Variants in AGBL3 observed in about 807,000 individuals in gnomAD.
AGBL3 encodes AGBL carboxypeptidase 3.
In AGBL3, 68 loss-of-function variants were observed where a neutral mutation model predicts 94.5. That is an observed-to-expected ratio of 0.72 (90% confidence interval 0.59 to 0.88). The LOEUF (loss-of-function observed/expected upper bound fraction) is 0.88, where lower values mean the gene tolerates loss of function less well. Ranked by LOEUF, AGBL3 falls within the 40% of genes least tolerant of loss-of-function variation. The pLI, the probability that AGBL3 is intolerant of heterozygous loss-of-function variation, is 0.00. For missense variants in AGBL3, 934 were observed against 1,103.8 expected, an observed-to-expected ratio of 0.85 and a Z score of 2.18; for synonymous variants, 354 against 370.7, an observed-to-expected ratio of 0.95 and a Z score of 0.52.
chr7:135,129,792 G>C (rs2117324894), intron 16 of AGBL3: 1 of 565,004 alleles, frequency 1.8e-6, no homozygotes, highest in Non-Finnish European at 3.3e-6. Context: ...TACTCATTCA[G>C]TCTTCCTGTG....
chr7:135,134,141 T>C (rs1273806174), intron 16 of AGBL3, among the ~76,000 whole-genome samples: 1 of 152,160 alleles, frequency 6.6e-6, no homozygotes, highest in East Asian at 1.9e-4. Flanking sequence ...CTATCTTGAC[T>C]ACATCAATGT....
At chr7:135,025,858 G>A (rs1200964750) in intron 5 of AGBL3, among the ~76,000 whole-genome samples, 1 of 151,572 alleles carries the variant, frequency 6.6e-6, no homozygotes, top group Non-Finnish European at 1.5e-5. Context: ...TACATAAACA[G>A]TTCAATTAAA....
At chr7:135,085,372 A>C (rs1202026255) in intron 15 of AGBL3, among the ~76,000 whole-genome samples, 4 of 151,958 alleles carry the variant, frequency 2.6e-5, no homozygotes, top group African/African-American at 9.7e-5. Context: ...ATTTGCCTAT[A>C]TTTGCTTTAG....
At chr7:135,063,757 G>A (rs937771242) in intron 12 of AGBL3, among the ~76,000 whole-genome samples, 14 of 152,060 alleles carry the variant, frequency 9.2e-5, no homozygotes, top group African/African-American at 3.4e-4. Flanking sequence ...CATAGTTTAG[G>A]TTTTGTTAGG....
intron 15 of AGBL3, among the ~76,000 whole-genome samples, chr7:135,097,666 G>T (rs1823111529): frequency 6.6e-6 from 1 of 152,064 alleles, no homozygotes; most frequent in Admixed American, 6.5e-5. Flanking sequence ...AAAGTTTGGG[G>T]TCACTTTTTA....
chr7:135,041,626 G>GTTT (rs1816870474), intron 8 of AGBL3, among the ~76,000 whole-genome samples: 1 of 152,176 alleles, frequency 6.6e-6, no homozygotes, highest in Non-Finnish European at 1.5e-5. Flanking sequence ...AAATTTTTAT[G>GTTT]ACATGGAATT....
chr7:135,014,472 C>G (rs895742313), intron 4 of AGBL3, among the ~76,000 whole-genome samples: 1 of 151,912 alleles, frequency 6.6e-6, no homozygotes, highest in Non-Finnish European at 1.5e-5. Flanking sequence ...TGGGATCACC[C>G]AAAGATAAAT....
rs113216068 is a variant in AGBL3 at position 135,074,892 on chromosome 7, T to C, written c.1909-1505T>C. Among the ~76,000 whole-genome samples the C allele has an allele frequency of 2.1e-3, 317 of 152,346 alleles. 1 individual carries two copies. The highest frequency in any genetic ancestry group is 7.2e-3 in the African/African-American group (300 of 41,580). Reference sequence around the variant, plus strand: ...ATGGTCAGATATTGATTATGTGCCGTATTTTGAGTATAGGCATCTTTATCA... The same window carrying C: ...ATGGTCAGATATTGATTATGTGCCGCATTTTGAGTATAGGCATCTTTATCA... On this transcript the variant is annotated intron_variant, in intron 12 of 16. Coordinates refer to ENST00000436302, the MANE Select transcript of AGBL3 (RefSeq NM_178563.4).
intron 12 of AGBL3, among the ~76,000 whole-genome samples, chr7:135,070,224 CAATA>C (rs1224320460): frequency 2.0e-5 from 3 of 152,132 alleles, no homozygotes; most frequent in African/African-American, 7.2e-5. Flanking sequence ...GAAATGGAGG[CAATA>C]ATTAATAGCT....
At chr7:135,037,639 C>T in intron 8 of AGBL3, 59 bp downstream of exon 8, 1 of 1,363,346 alleles carries the variant, frequency 7.3e-7, no homozygotes, top group Admixed American at 2.7e-5. Context: ...TGTGAGATAG[C>T]AGAATGGCCC....
chr7:135,032,713 A>G (rs1815896785), intron 5 of AGBL3, 131 bp from the exon 6 acceptor site: 9 of 737,302 alleles, frequency 1.2e-5, no homozygotes, highest in Non-Finnish European at 1.6e-5. Flanking sequence ...CAACATGTCT[A>G]TATAAATTAG....
In AGBL3 at chr7:135,048,139, C is replaced by T. The variant is rs192957114; in HGVS notation, c.1841+2228C>T. 4.0e-5 allele frequency among the ~76,000 whole-genome samples: 6 copies of T among 151,792 alleles called. No individual in the cohort carries two copies. The East Asian group carries it at 5.8e-4, about 15-fold the overall frequency. ...TTTCCCATTGTGTATCCTTGGCACC[C>T]GTATTGAAGATTATTTGGTCATATA... On this transcript the variant is annotated intron_variant, in intron 11 of 16. Coordinates refer to ENST00000436302, the MANE Select transcript of AGBL3 (RefSeq NM_178563.4).
intron 4 of AGBL3, among the ~76,000 whole-genome samples, chr7:135,003,061 G>A (rs868192404): frequency 6.6e-6 from 1 of 151,634 alleles, no homozygotes; most frequent in Non-Finnish European, 1.5e-5. Flanking sequence ...TAGTTACTTT[G>A]TCTATCATTT....
At chr7:135,094,543 A>G (rs1235196319) in intron 15 of AGBL3, 4 of 456,654 alleles carry the variant, frequency 8.8e-6, no homozygotes, top group South Asian at 6.2e-5. Flanking sequence ...CAGGAATCCC[A>G]CCAGGTTCTC....
intron 15 of AGBL3, 40 bp from the exon 16 acceptor site, chr7:135,115,340 A>T: frequency 9.0e-6 from 11 of 1,227,870 alleles, no homozygotes; most frequent in African/African-American, 1.5e-5. Context: ...TTGTGAATAG[A>T]GTTCATATCT....
intron 5 of AGBL3, among the ~76,000 whole-genome samples, chr7:135,018,757 A>C (rs536873932): frequency 6.6e-6 from 1 of 152,226 alleles, no homozygotes; most frequent in Non-Finnish European, 1.5e-5. Context: ...GAAAATTAAA[A>C]TGTTCATATA....
At position 135,059,196 on chromosome 7, in the gene AGBL3, C is replaced by T. The variant is rs1458849392; in HGVS notation, c.1869C>T (p.Ser623=). 215 of 1,550,912 alleles carry T rather than the reference C, an allele frequency of 1.4e-4. No homozygotes were observed. The highest frequency in any genetic ancestry group is 1.8e-4 in the Non-Finnish European group (211 of 1,146,676). ...GCCGAGGCTCTGACAGTTCAGAATC[C>T]ATTGACTCTCTGACTTACCTTCTCA... is the stretch of plus-strand genomic sequence containing the variant. ...SSSRGSDSSE[S]IDSLTYLLKL... is the part of the protein sequence containing the mutation. The change falls in exon 12 of 17, where the codon TCC becomes TCT. Residue 623 remains serine (S), a synonymous_variant. Transcript: ENST00000436302.
intron 12 of AGBL3, among the ~76,000 whole-genome samples, chr7:135,060,386 A>G (rs1818720004): frequency 6.6e-6 from 1 of 152,144 alleles, no homozygotes; most frequent in South Asian, 2.1e-4. Context: ...TCACATACTT[A>G]TTTTTGTGGT....
chr7:135,128,022 G>A (rs750154676), intron 16 of AGBL3, among the ~76,000 whole-genome samples: 11 of 152,054 alleles, frequency 7.2e-5, no homozygotes, highest in Admixed American at 1.3e-4. Context: ...TGCCAGGCAC[G>A]GTGGCTCACG....
Sources: allele counts gnomAD v4.1 joint callset (sites outside exome capture counted in the v4.1 genomes callset), GRCh38; gene constraint gnomAD v4.1.1; transcripts MANE v1.5; gene names NCBI Gene and HGNC (gene_info 2026-07-23, HGNC 2026-07-21).